COA1: variants seen among roughly 807,000 people sequenced by gnomAD.
The protein encoded by COA1 is cytochrome c oxidase assembly factor 1.
In COA1, 13 loss-of-function variants were observed where a neutral mutation model predicts 16.0. That is an observed-to-expected ratio of 0.81 (90% confidence interval 0.53 to 1.29). COA1 has a LOEUF of 1.29. Among genes scored for constraint, COA1 ranks in the 50% most tolerant of loss-of-function variants. The pLI is 0.00. For missense variants in COA1, 179 were observed against 177.0 expected (o/e 1.01, Z -0.06); for synonymous variants, 65 against 65.7 (o/e 0.99, Z 0.05).
At chr7:43,638,933 CAT>C (rs1484154675), downstream of COA1, 1 of 152,260 alleles carries the variant, frequency 6.6e-6, no homozygotes, top group Non-Finnish European at 1.5e-5. Flanking sequence ...TATATGTACA[CAT>C]ATAAATTTTC....
At chr7:43,668,704 C>G (rs540935748) in intron 1 of COA1, among the ~76,000 whole-genome samples, 1 of 152,298 alleles carries the variant, frequency 6.6e-6, no homozygotes, top group East Asian at 1.9e-4. Context: ...TGGTTCTGGG[C>G]AATTATCCTG....
chr7:43,641,780 G>C (rs2087189722), intron 4 of COA1: 1 of 152,176 alleles, frequency 6.6e-6, no homozygotes, highest in Non-Finnish European at 1.5e-5. Flanking sequence ...CAGCCTGAGA[G>C]CCCGTAAGCA....
intron 1 of COA1, among the ~76,000 whole-genome samples, chr7:43,673,097 T>C (rs532586062): frequency 2.0e-4 from 31 of 152,276 alleles, no homozygotes; most frequent in African/African-American, 6.7e-4. Context: ...ATTCTGGACA[T>C]AGGACACGGC....
At chr7:43,703,522 G>A (rs138678681) in intron 1 of COA1, among the ~76,000 whole-genome samples, 3,979 of 152,222 alleles carry the variant, frequency 0.026, 161 homozygotes, top group African/African-American at 0.091. Flanking sequence ...CTAGTGTTGG[G>A]TGCATATATA....
intron 6 of COA1, chr7:43,623,647 C>CT (rs769637665): frequency 1.2e-6 from 2 of 1,607,546 alleles, no homozygotes; most frequent in Non-Finnish European, 1.7e-6. Context: ...AAAAATTGAT[C>CT]AAATTAGTTT....
At chr7:43,647,757 T>A in intron 2 of COA1, 123 bp from the exon 3 acceptor site, 1 of 693,094 alleles carries the variant, frequency 1.4e-6, no homozygotes, top group Non-Finnish European at 2.5e-6. Context: ...CAGACCGCCC[T>A]CCCTCATTTG....
At chr7:43,702,015 C>CA (rs775689048) in intron 1 of COA1, among the ~76,000 whole-genome samples, 10 of 151,978 alleles carry the variant, frequency 6.6e-5, no homozygotes, top group Admixed American at 1.3e-4. Flanking sequence ...TATTTTCTCC[C>CA]ACTCTGTAGG....
At chr7:43,722,413 C>T (rs997225510) in intron 1 of COA1, among the ~76,000 whole-genome samples, 4 of 144,114 alleles carry the variant, frequency 2.8e-5, no homozygotes, top group East Asian at 4.2e-4. Context: ...CTTTTCCCTA[C>T]GACAAAACGA....
intron 1 of COA1, among the ~76,000 whole-genome samples, chr7:43,679,200 G>T (rs1457884967): frequency 1.3e-5 from 2 of 150,900 alleles, no homozygotes; most frequent in Non-Finnish European, 1.5e-5. Flanking sequence ...TCGGGAGGCG[G>T]AGGTTGCAGT....
chr7:43,678,470 A>C (rs1009229610), intron 1 of COA1, among the ~76,000 whole-genome samples: 1 of 152,222 alleles, frequency 6.6e-6, no homozygotes, highest in African/African-American at 2.4e-5. Flanking sequence ...AAAAGAACAA[A>C]ATAGACAAAA....
chr7:43,650,011 C>T (rs1188884744), intron 1 of COA1: 1 of 152,342 alleles, frequency 6.6e-6, no homozygotes, highest in East Asian at 1.9e-4. Flanking sequence ...CAGGAAATGA[C>T]AAACAAAGGC....
intron 1 of COA1, among the ~76,000 whole-genome samples, chr7:43,710,549 G>T (rs971346731): frequency 2.0e-5 from 3 of 151,558 alleles, no homozygotes; most frequent in Non-Finnish European, 4.4e-5. Flanking sequence ...AAGATTTATG[G>T]ATGATTCCCA....
At chr7:43,635,202 A>G (rs1237330445), downstream of COA1, among the ~76,000 whole-genome samples, 3 of 152,178 alleles carry the variant, frequency 2.0e-5, no homozygotes, top group Admixed American at 1.3e-4. Context: ...TCTGCAATCA[A>G]TGGTTTGTGT....
intron 1 of COA1, among the ~76,000 whole-genome samples, chr7:43,668,552 T>G (rs1376815008): frequency 4.6e-5 from 7 of 152,346 alleles, no homozygotes; most frequent in African/African-American, 1.7e-4. Flanking sequence ...ACATTTGTCA[T>G]TAAATCCTAG....
Position 43,716,726 on chromosome 7 carries a change from G to A in COA1, c.-39+12703C>T, listed in dbSNP as rs1271353208. Among the ~76,000 whole-genome samples the A allele has an allele frequency of 6.6e-5, 10 of 152,174 alleles. No individual in the cohort carries two copies. The East Asian group carries it at 1.7e-3, about 26-fold the overall frequency. On this transcript the variant is annotated intron_variant, in intron 1 of 5. Transcript: ENST00000223336. ...AAGACCATGGGGAAAATGTATCCAGGCCATGTCAGAGACTTTCACGGCAGC... is the reference window on the plus strand; with the variant it reads ...AAGACCATGGGGAAAATGTATCCAGACCATGTCAGAGACTTTCACGGCAGC...
At chr7:43,710,843 C>A (rs2095222676) in intron 1 of COA1, among the ~76,000 whole-genome samples, 1 of 152,108 alleles carries the variant, frequency 6.6e-6, no homozygotes, top group African/African-American at 2.4e-5. Flanking sequence ...ATTTGTTTCA[C>A]AACTGAGCTG....
intron 1 of COA1, chr7:43,650,462 T>C (rs2090512357): frequency 6.6e-6 from 1 of 152,038 alleles, no homozygotes; most frequent in Admixed American, 6.5e-5. Context: ...GAAATAAGGC[T>C]GAAATAAAGT....
At chr7:43,663,123 C>A (rs2092598109) in intron 1 of COA1, among the ~76,000 whole-genome samples, 1 of 152,136 alleles carries the variant, frequency 6.6e-6, no homozygotes, top group Non-Finnish European at 1.5e-5. Context: ...TGAGTTCTTG[C>A]GAGATCTGGT....
intron 1 of COA1, among the ~76,000 whole-genome samples, chr7:43,660,273 A>G (rs1223099311): frequency 6.6e-6 from 1 of 152,038 alleles, no homozygotes; most frequent in Admixed American, 6.5e-5. Context: ...TCCCTTCTGC[A>G]CTTGAAATTC....
Sources: allele counts gnomAD v4.1 joint callset (sites outside exome capture counted in the v4.1 genomes callset), GRCh38; gene constraint gnomAD v4.1.1; transcripts MANE v1.5; gene names NCBI Gene and HGNC (gene_info 2026-07-23, HGNC 2026-07-21).